SLIT1: variants seen among roughly 807,000 people sequenced by gnomAD.
SLIT1 encodes the protein slit homolog 1 protein.
In SLIT1, 66 loss-of-function variants were observed where a neutral mutation model predicts 186.1. The ratio of observed to expected loss-of-function variants is 0.35; its 90% CI spans 0.29 to 0.44. The LOEUF is 0.44. Ranked by LOEUF, SLIT1 falls within the 20% of genes least tolerant of loss-of-function variation. The probability of loss-of-function intolerance (pLI) is 1.00; values close to 1 mark genes in which losing one functional copy is unlikely to be tolerated. For missense variants in SLIT1, 1,638 were observed against 2,037.4 expected, an observed-to-expected ratio of 0.80 and a Z score of 3.77; for synonymous variants, 761 against 833.8, an observed-to-expected ratio of 0.91 and a Z score of 1.50.
chr10:97,062,465 C>T (rs139368532), intron 8 of SLIT1, among the ~76,000 whole-genome samples: 49 of 152,344 alleles, frequency 3.2e-4, no homozygotes, highest in African/African-American at 1.2e-3. Flanking sequence ...TGAGAACTGT[C>T]CCTTCATTCA....
Position 97,013,487 on chromosome 10 carries a change from T to C in SLIT1, c.3203+254A>G, listed in dbSNP as rs142066868. ...GCTACTGTTGTGCCCAGTTTACAGA[T>C]GAGAAAACAAGCTCAGAGCAGGCAA... is the stretch of plus-strand genomic sequence containing the variant. On this transcript the variant is annotated intron_variant, in intron 30 of 36. Coordinates refer to ENST00000266058, the MANE Select transcript of SLIT1 (RefSeq NM_003061.3). Among the ~76,000 whole-genome samples, 396 of 152,238 alleles carry C rather than the reference T, an allele frequency of 2.6e-3. 5 individuals are homozygous for C. Among genetic ancestry groups the C allele is most frequent in the African/African-American group, 8.7e-3 (362 of 41,540 alleles).
chr10:97,157,237 G>A (rs1185649949), intron 4 of SLIT1: 1 of 152,220 alleles, frequency 6.6e-6, no homozygotes, highest in Non-Finnish European at 1.5e-5. Flanking sequence ...CCCATAAAAT[G>A]AAATATATGG....
intron 4 of SLIT1, among the ~76,000 whole-genome samples, chr10:97,096,583 G>A (rs1187627763): frequency 6.6e-6 from 1 of 152,162 alleles, no homozygotes; most frequent in African/African-American, 2.4e-5. Context: ...AGCCCGAGCA[G>A]GAGGGGCCAG....
intron 20 of SLIT1, among the ~76,000 whole-genome samples, chr10:97,041,250 C>T (rs1050665584): frequency 6.6e-6 from 1 of 152,186 alleles, no homozygotes; most frequent in Admixed American, 6.5e-5. Flanking sequence ...GGGAGGTTGT[C>T]TGAATGTCCA....
intron 4 of SLIT1, among the ~76,000 whole-genome samples, chr10:97,088,624 A>G (rs1849193954): frequency 6.6e-6 from 1 of 152,180 alleles, no homozygotes; most frequent in Admixed American, 6.5e-5. Context: ...AAAGTTTGCT[A>G]CTAAATTTAG....
chr10:97,129,227 C>G (rs558501711), intron 4 of SLIT1, among the ~76,000 whole-genome samples: 35 of 152,170 alleles, frequency 2.3e-4, no homozygotes, highest in African/African-American at 8.2e-4. Context: ...CATAGCGAAA[C>G]CCCGTCTCTA....
chr10:97,100,718 A>C (rs1476180553), intron 4 of SLIT1, among the ~76,000 whole-genome samples: 1 of 152,176 alleles, frequency 6.6e-6, no homozygotes, highest in Admixed American at 6.5e-5. Context: ...AAGTCAGTTC[A>C]TTTTCATTAG....
intron 4 of SLIT1, among the ~76,000 whole-genome samples, chr10:97,141,578 A>G (rs1172268251): frequency 6.6e-6 from 1 of 152,214 alleles, no homozygotes. Flanking sequence ...CCTCCCCTGG[A>G]GAGGACACAT....
intron 4 of SLIT1, among the ~76,000 whole-genome samples, chr10:97,156,021 G>C (rs1849946776): frequency 6.6e-6 from 1 of 152,200 alleles, no homozygotes; most frequent in Non-Finnish European, 1.5e-5. Context: ...CTGCTGGGAA[G>C]AATCTTCTGC....
chr10:97,002,318 C>T lies in SLIT1; in HGVS notation c.4206G>A (p.Gln1402=), dbSNP rs1456095513. The change falls in exon 36 of 37, where the codon CAG becomes CAA. Residue 1402 remains glutamine, a synonymous_variant. Coordinates refer to ENST00000266058, the MANE Select transcript of SLIT1 (RefSeq NM_003061.3). ...GTGCCCCCGAGTACCCATCCTGGCA[C>T]TGGCAGCTGTAGGAAAGAGCGTCGA... is the stretch of plus-strand genomic sequence containing the variant. ...VPLDALSYSC[Q]CQDGYSGALC... The T allele has an allele frequency of 6.8e-6, 11 of 1,611,622 alleles. No homozygotes were observed. The Admixed American group carries it at 1.8e-4, about 27-fold the overall frequency.
chr10:97,040,155 G>A (rs1242253671), intron 20 of SLIT1, 35 bp from the exon 21 acceptor site: 4 of 1,518,780 alleles, frequency 2.6e-6, no homozygotes, highest in Non-Finnish European at 2.6e-6. Flanking sequence ...TGTCAGGGAG[G>A]TGGACGGGCC....
At chr10:97,138,709 G>A (rs1387662945) in intron 4 of SLIT1, among the ~76,000 whole-genome samples, 9 of 151,826 alleles carry the variant, frequency 5.9e-5, no homozygotes, top group African/African-American at 2.2e-4. Context: ...CAGGTGTGGT[G>A]ACCAAATTTG....
At chr10:97,165,182 C>T (rs1204568351) in intron 1 of SLIT1, among the ~76,000 whole-genome samples, 1 of 152,222 alleles carries the variant, frequency 6.6e-6, no homozygotes, top group Non-Finnish European at 1.5e-5. Flanking sequence ...AGAGATGAGA[C>T]ATTCACCCAG....
At chr10:97,057,434 C>T (rs1031183764) in intron 11 of SLIT1, among the ~76,000 whole-genome samples, 153 bp from the exon 12 acceptor site, 1 of 152,272 alleles carries the variant, frequency 6.6e-6, no homozygotes, top group Non-Finnish European at 1.5e-5. Flanking sequence ...AACTTGTCCA[C>T]AGATGACAGT....
intron 34 of SLIT1, 55 bp from the exon 35 acceptor site, chr10:97,003,047 C>A: frequency 6.4e-7 from 1 of 1,551,322 alleles, no homozygotes; most frequent in Non-Finnish European, 8.8e-7. Flanking sequence ...CTATGCCGGG[C>A]ACCCACCCCT....
chr10:97,101,184 CT>C (rs1849349669), intron 4 of SLIT1, among the ~76,000 whole-genome samples: 1 of 152,126 alleles, frequency 6.6e-6, no homozygotes, highest in South Asian at 2.1e-4. Context: ...ATAGGCCCCC[CT>C]GGGGACACAG....
chr10:97,072,714 C>G (rs1183749693), intron 4 of SLIT1, among the ~76,000 whole-genome samples: 1 of 152,150 alleles, frequency 6.6e-6, no homozygotes, highest in East Asian at 1.9e-4. Flanking sequence ...ACCTTGGAAG[C>G]CTCAGGAAAA....
chr10:97,184,398 C>T lies in SLIT1; in HGVS notation c.197+1080G>A, dbSNP rs571230505. ...AAATCTCCTGGTGTAGTCACCTCTG[C>T]GAGCAGTACAAAGGCCCTGCATGTG... On this transcript the variant is annotated intron_variant, in intron 1 of 36. Transcript: ENST00000266058. The surrounding 1 kb of genome is among the most constrained non-coding windows in gnomAD (Gnocchi z 4.4). Among the ~76,000 whole-genome samples the T allele has an allele frequency of 7.2e-5, 11 of 152,174 alleles. No homozygotes were observed. Among genetic ancestry groups the T allele is most frequent in the African/African-American group, 2.4e-4 (10 of 41,510 alleles).
At chr10:97,077,132 G>C (rs966424079) in intron 4 of SLIT1, among the ~76,000 whole-genome samples, 1 of 152,184 alleles carries the variant, frequency 6.6e-6, no homozygotes, top group Non-Finnish European at 1.5e-5. Flanking sequence ...GCGAGACATG[G>C]TGATGTCTGC....
Sources: allele counts gnomAD v4.1 joint callset (sites outside exome capture counted in the v4.1 genomes callset), GRCh38; gene constraint gnomAD v4.1.1; non-coding constraint Gnocchi (gnomAD v3.1); transcripts MANE v1.5; gene names NCBI Gene and HGNC (gene_info 2026-07-23, HGNC 2026-07-21).